Variants in EXO1 observed in about 807,000 individuals in gnomAD.
EXO1 encodes exonuclease 1.
Under a neutral mutation model 84.5 loss-of-function variants are expected in EXO1, and 69 were observed. That is an observed-to-expected ratio of 0.82 (90% CI 0.67 to 1.00). EXO1 has a LOEUF of 1.00. Among genes scored for constraint, EXO1 ranks in the 50% least tolerant of loss-of-function variants. The pLI is 0.00. For missense variants in EXO1, 1,045 were observed against 1,000.7 expected (o/e 1.04, Z -0.60); for synonymous variants, 373 against 366.1 (o/e 1.02, Z -0.21).
Position 241,849,348 on chromosome 1 carries a change from G to C in EXO1, c.-18+132G>C, listed in dbSNP as rs552227328. The C allele has an allele frequency of 4.6e-5, 7 of 152,360 alleles. No homozygotes were observed. In the East Asian group the frequency reaches 1.2e-3, roughly 25 times the overall value. 9.4% of individuals were successfully genotyped at this position (152,360 alleles called of 1,614,324 possible). ...CATTACTGACTTTTTATTGTAGAGT[G>C]GGGGGAGGTCGTTTCATCAGAAAGG... On this transcript the variant is annotated intron_variant, in intron 3 of 15. Coordinates refer to ENST00000366548, the MANE Select transcript of EXO1 (RefSeq NM_130398.4).
chr1:241,851,589 G>A (rs1267271152), intron 4 of EXO1, among the ~76,000 whole-genome samples: 6 of 152,176 alleles, frequency 3.9e-5, no homozygotes, highest in Non-Finnish European at 5.9e-5. Context: ...TGTAATACCT[G>A]ACCCTTGATT....
intron 11 of EXO1, among the ~76,000 whole-genome samples, chr1:241,870,143 C>T (rs1302809294): frequency 6.6e-6 from 1 of 152,174 alleles, no homozygotes; most frequent in African/African-American, 2.4e-5. Context: ...CTGCTACAAT[C>T]AAGACACGCT....
At chr1:241,866,537 T>C (rs910242478) in intron 10 of EXO1, among the ~76,000 whole-genome samples, 3 of 151,618 alleles carry the variant, frequency 2.0e-5, no homozygotes, top group Non-Finnish European at 4.4e-5. Context: ...TAATCTTTTT[T>C]TTCTACAGCT....
At chr1:241,885,216 A>ATAAATAAT (rs1387579895) in intron 14 of EXO1, 98 bp from the exon 15 acceptor site, 1 of 642,300 alleles carries the variant, frequency 1.6e-6, no homozygotes, top group Non-Finnish European at 2.4e-6. Flanking sequence ...CAAAAAGTAA[A>ATAAATAAT]TAAATAAATA....
chr1:241,862,213 C>T (rs4149927), intron 10 of EXO1, among the ~76,000 whole-genome samples: 11,865 of 152,304 alleles, frequency 0.078, 721 homozygotes, highest in Admixed American at 0.19. Context: ...GCTGGGATTA[C>T]AGGCGTGAGC....
In EXO1 at chr1:241,878,836, G is replaced by A. The variant is rs1662559960; in HGVS notation, c.1602G>A (p.Glu534=). The A allele has an allele frequency of 7.4e-6, 12 of 1,613,918 alleles. No individual in the cohort carries two copies. The highest frequency in any genetic ancestry group is 1.0e-5 in the Non-Finnish European group (12 of 1,179,976). Reference sequence around the variant, plus strand: ...ATGAAACTGCTGTCACAGATAAAGAGAACAATCTGCATGAATCAGAGTATG... The same window carrying A: ...ATGAAACTGCTGTCACAGATAAAGAAAACAATCTGCATGAATCAGAGTATG... ...PLDETAVTDK[E]NNLHESEYGD... Residue 534 remains glutamate (E), a synonymous_variant, in exon 13 of 16, where the codon GAG becomes GAA. Coordinates refer to ENST00000366548, the MANE Select transcript of EXO1 (RefSeq NM_130398.4).
chr1:241,857,614 A>G, intron 7 of EXO1, 132 bp downstream of exon 7: 1 of 297,174 alleles, frequency 3.4e-6, no homozygotes, highest in East Asian at 8.4e-5. Flanking sequence ...TTTATAAAAT[A>G]TTACAAGGTA....
chr1:241,872,421 G>A, intron 12 of EXO1, 143 bp downstream of exon 12: 1 of 808,886 alleles, frequency 1.2e-6, no homozygotes, highest in Admixed American at 2.0e-5. Flanking sequence ...TTGTTACATG[G>A]GTATACATGT....
intron 10 of EXO1, among the ~76,000 whole-genome samples, chr1:241,865,215 C>CTTTT (rs76945375): frequency 7.2e-6 from 1 of 138,054 alleles, no homozygotes; most frequent in African/African-American, 2.6e-5. Context: ...TTGAATATCT[C>CTTTT]TTTTTTTTTT....
intron 6 of EXO1, among the ~76,000 whole-genome samples, chr1:241,855,941 G>C (rs1661003096): frequency 6.6e-6 from 1 of 152,184 alleles, no homozygotes; most frequent in Non-Finnish European, 1.5e-5. Context: ...CGCAGCCCCA[G>C]TTCTCGCTGG....
chr1:241,860,482 A>T (rs750852955), intron 8 of EXO1, 35 bp from the exon 9 acceptor site: 1 of 1,445,600 alleles, frequency 6.9e-7, no homozygotes, highest in East Asian at 2.3e-5. Flanking sequence ...CCTGTTCTTT[A>T]GTTGCAGATA....
intron 12 of EXO1, among the ~76,000 whole-genome samples, chr1:241,874,900 C>T (rs953670504): frequency 6.6e-6 from 1 of 152,212 alleles, no homozygotes; most frequent in Non-Finnish European, 1.5e-5. Flanking sequence ...CAGAAGTGAT[C>T]TAGGCATGAT....
intron 15 of EXO1, among the ~76,000 whole-genome samples, chr1:241,886,547 G>A (rs1539457): frequency 0.95 from 144,016 of 152,262 alleles, 68,277 homozygotes; most frequent in Non-Finnish European, 0.98. Flanking sequence ...CTGGACAATC[G>A]TTTCTTATTT....
chr1:241,850,836 C>CTTTTTTT (rs10641736), intron 4 of EXO1, among the ~76,000 whole-genome samples: 118 of 105,006 alleles, frequency 1.1e-3, no homozygotes, highest in Non-Finnish European at 1.5e-3. Context: ...CTCCTTTATT[C>CTTTTTTT]TTTTTTTTTT....
intron 8 of EXO1, among the ~76,000 whole-genome samples, chr1:241,859,644 C>A (rs1661261514): frequency 6.6e-6 from 1 of 152,086 alleles, no homozygotes; most frequent in African/African-American, 2.4e-5. Flanking sequence ...TGAAAAAATT[C>A]AAAATCTGAA....
In EXO1 at chr1:241,852,272, G is replaced by GT. The variant is rs576630456; in HGVS notation, c.162-15dup. On this transcript the variant is annotated intron_variant, in intron 4 of 15. Transcript: ENST00000366548. ...CCTTAAGAAAGGTGAAGCACTGAAT[G>GT]TTTTTCTTTTTTTCCATAGGTATGT... 1 of 1,595,282 alleles carries GT rather than the reference G, an allele frequency of 6.3e-7. No individual in the cohort carries two copies. Among genetic ancestry groups the GT allele is most frequent in the Non-Finnish European group, 8.6e-7 (1 of 1,166,218 alleles).
chr1:241,850,867 ATC>A lies in EXO1; in HGVS notation c.161+285_161+286del, dbSNP rs1660633507. Among the ~76,000 whole-genome samples the A allele has an allele frequency of 4.1e-5, 5 of 121,516 alleles. No individual in the cohort carries two copies. The South Asian group carries it at 1.3e-3, about 32-fold the overall frequency. 79.7% of individuals were successfully genotyped at this position (121,516 alleles called of 152,430 possible). A position where few individuals can be genotyped will look rare whatever the true frequency, so the allele number is the denominator to read the frequency against. ...TTTTTTTTTTTTTTTTTTAGATGGA[ATC>A]TCTAGCTCAGGCTGGAGTGCAGTGG... On this transcript the variant is annotated intron_variant, in intron 4 of 15. Transcript: ENST00000366548.
intron 9 of EXO1, 25 bp from the exon 10 acceptor site, chr1:241,861,381 T>G: frequency 8.7e-7 from 1 of 1,146,584 alleles, no homozygotes; most frequent in Non-Finnish European, 1.3e-6. Context: ...AATAAATACA[T>G]TTTTCCTTAA....
Position 241,882,034 on chromosome 1 carries a change from ATTTT to A in EXO1, c.2211+24_2211+27del. ...AGGAACAAGGTAAAACATTTATTTA[ATTTT>A]TTTTTTAATTTCAGAAGCGGTGTAT... On this transcript the variant is annotated intron_variant, in intron 14 of 15. Coordinates refer to ENST00000366548, the MANE Select transcript of EXO1 (RefSeq NM_130398.4). 1 of 1,229,862 alleles carries A rather than the reference ATTTT, an allele frequency of 8.1e-7. No individual in the cohort carries two copies. Among genetic ancestry groups the A allele is most frequent in the South Asian group, 1.3e-5 (1 of 77,588 alleles). 76.2% of individuals were successfully genotyped at this position (1,229,862 alleles called of 1,614,324 possible).
Sources: gnomAD v4.1 joint callset for allele counts (sites outside exome capture counted in the v4.1 genomes callset) on GRCh38, gnomAD v4.1.1 for gene constraint, MANE v1.5 for transcripts, NCBI Gene and HGNC (gene_info 2026-07-23, HGNC 2026-07-21) for gene names.